The following TCF20 variants were observed in gnomAD, a reference collection of about 807,000 sequenced individuals.
The protein encoded by TCF20 is SPRE-binding protein.
TCF20 carries 3 observed loss-of-function variants against 148.6 expected under a neutral mutation model. That is an observed-to-expected ratio of 0.02 (90% CI 0.01 to 0.05). The LOEUF is 0.05. TCF20 is among the 10% of genes least tolerant of loss of function. The pLI is 1.00. For missense variants in TCF20, 2,350 were observed against 2,429.3 expected (o/e 0.97, Z 0.69); for synonymous variants, 1,049 against 909.5 (o/e 1.15, Z -2.76).
At chr22:42,246,483 T>C (rs1399883911) in intron 1 of TCF20, among the ~76,000 whole-genome samples, 1 of 152,154 alleles carries the variant, frequency 6.6e-6, no homozygotes, top group Non-Finnish European at 1.5e-5. Context: ...AACTAATCCT[T>C]GGAAAAGGAC....
chr22:42,235,536 T>C (rs1325553437), intron 1 of TCF20, among the ~76,000 whole-genome samples: 1 of 152,230 alleles, frequency 6.6e-6, no homozygotes, highest in East Asian at 1.9e-4. Flanking sequence ...AGAAATAGGA[T>C]TTTATTTTAG....
At chr22:42,278,495 T>C (rs1926830544) in intron 1 of TCF20, 1 of 152,198 alleles carries the variant, frequency 6.6e-6, no homozygotes, top group African/African-American at 2.4e-5. Flanking sequence ...ACGCCAGCAG[T>C]GGGAGCCAAC....
intron 3 of TCF20, among the ~76,000 whole-genome samples, chr22:42,171,338 G>A (rs1370440212): frequency 6.6e-6 from 1 of 152,184 alleles, no homozygotes; most frequent in African/African-American, 2.4e-5. Context: ...TTTAAACTGA[G>A]ATCCAGACTA....
At chr22:42,337,805 T>C (rs1005853372) in intron 1 of TCF20, among the ~76,000 whole-genome samples, 5 of 152,252 alleles carry the variant, frequency 3.3e-5, no homozygotes, top group East Asian at 1.9e-4. Context: ...CCTCCTTCCA[T>C]GTGATGACCT....
At chr22:42,289,749 G>T (rs1013144185) in intron 1 of TCF20, among the ~76,000 whole-genome samples, 2 of 152,294 alleles carry the variant, frequency 1.3e-5, no homozygotes, top group Non-Finnish European at 2.9e-5. Flanking sequence ...GCAAATAAGG[G>T]ATGATCTGCC....
chr22:42,203,271 A>C (rs538712995), intron 2 of TCF20, among the ~76,000 whole-genome samples: 1 of 152,258 alleles, frequency 6.6e-6, no homozygotes, highest in African/African-American at 2.4e-5. Context: ...CAGGTAATCC[A>C]AAGTGCTAGG....
intron 2 of TCF20, among the ~76,000 whole-genome samples, chr22:42,185,328 A>T (rs1459257289): frequency 6.6e-6 from 1 of 152,170 alleles, no homozygotes; most frequent in Non-Finnish European, 1.5e-5. Context: ...AAACTGTGAG[A>T]CTTGTTCTTG....
upstream of TCF20, among the ~76,000 whole-genome samples, chr22:42,284,198 A>AG (rs998132985): frequency 3.4e-5 from 5 of 149,168 alleles, no homozygotes; most frequent in East Asian, 2.0e-4. Flanking sequence ...GCCAGCGTGG[A>AG]GGGGGGCAGG....
intron 2 of TCF20, among the ~76,000 whole-genome samples, chr22:42,207,667 T>C (rs1938478862): frequency 6.6e-6 from 1 of 152,012 alleles, no homozygotes; most frequent in Non-Finnish European, 1.5e-5. Context: ...AATACAAAAT[T>C]AGCTGTGCAT....
chr22:42,249,575 C>A (rs1308221431), intron 1 of TCF20, among the ~76,000 whole-genome samples: 1 of 152,178 alleles, frequency 6.6e-6, no homozygotes, highest in African/African-American at 2.4e-5. Flanking sequence ...ACTGGTGCTG[C>A]AAAAGCAGAA....
chr22:42,269,039 G>A (rs1192702486), intron 1 of TCF20, among the ~76,000 whole-genome samples: 1 of 152,180 alleles, frequency 6.6e-6, no homozygotes, highest in Non-Finnish European at 1.5e-5. Context: ...AAAATTACCA[G>A]GGAAAGTAAC....
At chr22:42,182,494 G>T (rs192263047) in intron 2 of TCF20, among the ~76,000 whole-genome samples, 1 of 152,182 alleles carries the variant, frequency 6.6e-6, no homozygotes, top group Non-Finnish European at 1.5e-5. Flanking sequence ...AAGAGAAGAC[G>T]TGGAGCTTAG....
chr22:42,253,153 T>G (rs1487313995), intron 1 of TCF20, among the ~76,000 whole-genome samples: 1 of 152,212 alleles, frequency 6.6e-6, no homozygotes, highest in Admixed American at 6.5e-5. Flanking sequence ...TATTCCCTAA[T>G]GATTTAATGT....
intron 1 of TCF20, among the ~76,000 whole-genome samples, chr22:42,295,780 G>C (rs1927225528): frequency 1.3e-5 from 2 of 152,154 alleles, no homozygotes; most frequent in Admixed American, 6.5e-5. Flanking sequence ...ATGTCCTTCA[G>C]GCCAAAGCCT....
intron 1 of TCF20, among the ~76,000 whole-genome samples, chr22:42,311,295 A>G (rs908902550): frequency 2.0e-5 from 3 of 152,228 alleles, no homozygotes; most frequent in Non-Finnish European, 2.9e-5. Flanking sequence ...CACCAGGCCC[A>G]GGCCCAAGGC....
chr22:42,333,083 CT>C (rs1053993656), intron 1 of TCF20, among the ~76,000 whole-genome samples: 24 of 152,278 alleles, frequency 1.6e-4, no homozygotes, highest in African/African-American at 5.8e-4. Context: ...AAACAAAAGC[CT>C]GGCTGCGTCA....
intron 1 of TCF20, among the ~76,000 whole-genome samples, chr22:42,222,441 C>T (rs1239699746): frequency 1.3e-5 from 2 of 152,142 alleles, no homozygotes; most frequent in African/African-American, 4.8e-5. Flanking sequence ...GAAAAGTTCT[C>T]TTTCCCAGTA....
At chr22:42,179,796 G>A (rs1190838875) in intron 2 of TCF20, 94 bp from the exon 3 acceptor site, 10 of 812,748 alleles carry the variant, frequency 1.2e-5, no homozygotes, top group East Asian at 1.2e-4. Flanking sequence ...ACCTCAGCAC[G>A]TGTCTCTGTG....
chr22:42,271,261 C>A (rs1420036880), upstream of TCF20, among the ~76,000 whole-genome samples: 1 of 152,236 alleles, frequency 6.6e-6, no homozygotes. Flanking sequence ...GCCTCAGTTT[C>A]CACCGCGGAA....
Sources: gnomAD v4.1 joint callset for allele counts (sites outside exome capture counted in the v4.1 genomes callset) on GRCh38, gnomAD v4.1.1 for gene constraint, MANE v1.5 for transcripts, NCBI Gene and HGNC (gene_info 2026-07-23, HGNC 2026-07-21) for gene names.